Variants in MALRD1 observed in about 807,000 individuals in gnomAD.
The protein encoded by MALRD1 is MAM and LDL-receptor class A domain-containing protein 1.
Under a neutral mutation model 242.1 loss-of-function variants are expected in MALRD1, and 247 were observed. That is an observed-to-expected ratio of 1.02 (90% CI 0.92 to 1.13). The LOEUF (loss-of-function observed/expected upper bound fraction) is 1.13, where lower values mean the gene tolerates loss of function less well. Among genes scored for constraint, MALRD1 ranks in the 50% most tolerant of loss-of-function variants. The probability of loss-of-function intolerance (pLI) is 0.00; values close to 1 mark genes in which losing one functional copy is unlikely to be tolerated. For missense variants in MALRD1, 2,989 were observed against 2,533.1 expected, an observed-to-expected ratio of 1.18 and a Z score of -3.86; for synonymous variants, 995 against 866.6, an observed-to-expected ratio of 1.15 and a Z score of -2.60.
intron 38 of MALRD1, among the ~76,000 whole-genome samples, chr10:19,695,947 C>T (rs1345190680): frequency 6.6e-6 from 1 of 152,116 alleles, no homozygotes; most frequent in Admixed American, 6.6e-5. Flanking sequence ...AAAACTCACT[C>T]CCATGATTCA....
intron 19 of MALRD1, among the ~76,000 whole-genome samples, chr10:19,261,477 T>C (rs1167266156): frequency 6.6e-6 from 1 of 151,866 alleles, no homozygotes; most frequent in African/African-American, 2.4e-5. Context: ...CTCTTGATGC[T>C]TTCCAGTCAT....
At chr10:19,710,818 A>G (rs1354433675) in intron 38 of MALRD1, 1 of 152,218 alleles carries the variant, frequency 6.6e-6, no homozygotes, top group Non-Finnish European at 1.5e-5. Context: ...TAAATCTTAC[A>G]CAGCAAGAAG....
chr10:19,432,677 T>C (rs879488276), intron 28 of MALRD1, among the ~76,000 whole-genome samples: 4 of 152,190 alleles, frequency 2.6e-5, no homozygotes, highest in Admixed American at 6.5e-5. Context: ...TGAAAGGTGC[T>C]ATAAAAAAGC....
intron 14 of MALRD1, among the ~76,000 whole-genome samples, chr10:19,198,659 A>G (rs1836373019): frequency 1.3e-5 from 2 of 152,190 alleles, no homozygotes; most frequent in South Asian, 2.1e-4. Context: ...TTGTCTACCA[A>G]TAATAACTCT....
In MALRD1 at chr10:19,322,316, C is replaced by T. The variant is rs114756956; in HGVS notation, c.3420-1633C>T. ...AACTGGAAATGCTTTTTCATTGAGA[C>T]ATAATTCAGATAAATATAAATGATA... On this transcript the variant is annotated intron_variant, in intron 21 of 39. Coordinates refer to ENST00000454679, the MANE Select transcript of MALRD1 (RefSeq NM_001142308.3). Among the ~76,000 whole-genome samples the T allele has an allele frequency of 2.4e-3, 363 of 152,098 alleles. 5 individuals carry two copies. Among genetic ancestry groups the T allele is most frequent in the African/African-American group, 8.5e-3 (351 of 41,486 alleles).
intron 1 of MALRD1, among the ~76,000 whole-genome samples, chr10:19,061,181 T>C (rs994031892): frequency 8.5e-5 from 13 of 152,120 alleles, no homozygotes; most frequent in African/African-American, 3.1e-4. Context: ...CTGGGCTTAA[T>C]ACCTAGGTGA....
rs139380704 is a variant in MALRD1, at chr10:19,465,963, C to A, written c.5029+15473C>A. Among the ~76,000 whole-genome samples the A allele has an allele frequency of 2.5e-3, 374 of 152,180 alleles. 7 individuals are homozygous for A. In the East Asian group the frequency reaches 0.05, roughly 20 times the overall value. Reference sequence around the variant, plus strand: ...AATAATTTGTCAATTTCTTTAAATTCTCACCAAACTTTTTAAAAAGAAATT... The same window carrying A: ...AATAATTTGTCAATTTCTTTAAATTATCACCAAACTTTTTAAAAAGAAATT... On this transcript the variant is annotated intron_variant, in intron 29 of 39. Coordinates refer to ENST00000454679, the MANE Select transcript of MALRD1 (RefSeq NM_001142308.3).
intron 36 of MALRD1, among the ~76,000 whole-genome samples, chr10:19,651,847 C>T (rs958996081): frequency 3.3e-5 from 5 of 152,104 alleles, no homozygotes; most frequent in Non-Finnish European, 4.4e-5. Context: ...ATGACTCTGA[C>T]GAATTTAAAT....
At chr10:19,177,674 C>T (rs940308401) in intron 14 of MALRD1, among the ~76,000 whole-genome samples, 8 of 151,984 alleles carry the variant, frequency 5.3e-5, no homozygotes, top group Non-Finnish European at 5.9e-5. Flanking sequence ...GTTTTTCAGC[C>T]CCTTTTCCTA....
intron 11 of MALRD1, among the ~76,000 whole-genome samples, chr10:19,146,864 A>G (rs1833744032): frequency 6.6e-6 from 1 of 152,226 alleles, no homozygotes. Context: ...ATATCATCTT[A>G]AAATAGAGGA....
At chr10:19,547,260 A>G (rs1344624429) in intron 32 of MALRD1, among the ~76,000 whole-genome samples, 1 of 152,174 alleles carries the variant, frequency 6.6e-6, no homozygotes, top group Non-Finnish European at 1.5e-5. Context: ...CAATTTCCAC[A>G]TGCATAGTAG....
chr10:19,323,899 C>G, intron 21 of MALRD1, 50 bp from the exon 22 acceptor site: 1 of 1,526,358 alleles, frequency 6.6e-7, no homozygotes. Flanking sequence ...GCGTGAGCCA[C>G]CGTGCCCGGC....
intron 38 of MALRD1, among the ~76,000 whole-genome samples, chr10:19,694,894 A>C (rs1015372778): frequency 6.6e-6 from 1 of 152,202 alleles, no homozygotes; most frequent in African/African-American, 2.4e-5. Context: ...ATGCAGCCAT[A>C]AAAAATGATG....
chr10:19,724,441 C>G (rs890596306), intron 38 of MALRD1, among the ~76,000 whole-genome samples: 1 of 152,148 alleles, frequency 6.6e-6, no homozygotes, highest in Non-Finnish European at 1.5e-5. Context: ...GAAGGACAGG[C>G]CTCTCAGCAG....
At chr10:19,482,211 T>G (rs898013550) in intron 29 of MALRD1, among the ~76,000 whole-genome samples, 2 of 152,076 alleles carry the variant, frequency 1.3e-5, no homozygotes, top group African/African-American at 4.8e-5. Context: ...TAGCAATCAG[T>G]GTTTACTCTC....
chr10:19,260,235 C>A (rs1198082735), intron 19 of MALRD1, among the ~76,000 whole-genome samples: 3 of 152,068 alleles, frequency 2.0e-5, no homozygotes, highest in Admixed American at 6.6e-5. Flanking sequence ...TGCTCTCAAG[C>A]GTGTAGGTTG....
At chr10:19,208,626 C>T (rs980117742) in intron 17 of MALRD1, among the ~76,000 whole-genome samples, 5 of 152,190 alleles carry the variant, frequency 3.3e-5, no homozygotes, top group South Asian at 2.1e-4. Context: ...CATCAGGGTG[C>T]TTGTTAAAAA....
chr10:19,641,254 G>T (rs893480293), intron 36 of MALRD1, among the ~76,000 whole-genome samples: 1 of 152,016 alleles, frequency 6.6e-6, no homozygotes, highest in Non-Finnish European at 1.5e-5. Flanking sequence ...TAAAATAATC[G>T]AATAATGCAA....
intron 31 of MALRD1, among the ~76,000 whole-genome samples, chr10:19,528,004 T>C (rs1180441624): frequency 6.6e-6 from 1 of 152,202 alleles, no homozygotes; most frequent in Non-Finnish European, 1.5e-5. Flanking sequence ...AGGTGCAGTC[T>C]AGGTATATTG....
Sources: gnomAD v4.1 joint callset for allele counts (sites outside exome capture counted in the v4.1 genomes callset) on GRCh38, gnomAD v4.1.1 for gene constraint, MANE v1.5 for transcripts, NCBI Gene and HGNC (gene_info 2026-07-23, HGNC 2026-07-21) for gene names.